BRCC3: variants seen among roughly 807,000 people sequenced by gnomAD.
BRCC3 encodes BRCA1/BRCA2-containing complex subunit 3, also known as lys-63-specific deubiquitinase BRCC36.
Under a neutral mutation model 28.0 loss-of-function variants are expected in BRCC3, and 15 were observed. That is an observed-to-expected ratio of 0.54 (90% CI 0.36 to 0.82). The LOEUF (loss-of-function observed/expected upper bound fraction) is 0.82. BRCC3 is among the 40% of genes least tolerant of loss of function. The pLI is 0.01. For missense variants in BRCC3, 109 were observed against 225.9 expected (o/e 0.48, Z 3.32); for synonymous variants, 66 against 80.3 (o/e 0.82, Z 0.95).
rs1333552520 is a variant in BRCC3, at chrX:155,121,373, G to A, written c.*169G>A. On this transcript the variant is annotated 3_prime_UTR_variant, in exon 11 of 11. Coordinates refer to ENST00000330045, the MANE Select transcript of BRCC3 (RefSeq NM_001018055.3). ...TATTGGCAGAGGAACAGACACATAC[G>A]TCAATGGAACAGATGAGAGAACCCA... 1.8e-5 allele frequency: 2 copies of A among 111,901 alleles called. No individual in the cohort carries two copies. Among genetic ancestry groups the A allele is most frequent in the Admixed American group, 9.5e-5 (1 of 10,545 alleles). 9.2% of individuals were successfully genotyped at this position (111,901 alleles called of 1,213,427 possible).
At chrX:155,087,224 A>C (rs2124263081) in intron 5 of BRCC3, among the ~76,000 whole-genome samples, 1 of 111,975 alleles carries the variant, frequency 8.9e-6, no homozygotes, top group South Asian at 3.7e-4. Flanking sequence ...ACGGGATGCC[A>C]GAACGATCCC....
chrX:155,109,441 A>T (rs1226208320), intron 7 of BRCC3, among the ~76,000 whole-genome samples: 1 of 111,923 alleles, frequency 8.9e-6, no homozygotes, highest in Non-Finnish European at 1.9e-5. Context: ...TTAGATTTTA[A>T]TTTCTCTATC....
rs1335847316 is a variant in BRCC3 at position 155,086,560 on chromosome X, CAT to C, written c.404-2702_404-2701del. Reference sequence around the variant, plus strand: ...TTTGAGTAGAGAGGGAGTTTCACCACATTGGCCAGGCTGGTCTCAAACTCATG... The same window carrying C: ...TTTGAGTAGAGAGGGAGTTTCACCACTGGCCAGGCTGGTCTCAAACTCATG... On this transcript the variant is annotated intron_variant, in intron 5 of 10. Transcript: ENST00000330045. 2.2e-4 allele frequency among the ~76,000 whole-genome samples: 24 copies of C among 110,028 alleles called. 1 individual carries two copies. Among genetic ancestry groups the C allele is most frequent in the Non-Finnish European group, 5.7e-5 (3 of 52,671 alleles).
intron 5 of BRCC3, among the ~76,000 whole-genome samples, chrX:155,087,158 C>T (rs1446694608): frequency 2.7e-5 from 3 of 111,755 alleles, no homozygotes; most frequent in Non-Finnish European, 5.7e-5. Flanking sequence ...GGTCCCTCAG[C>T]GCTCAGGTGG....
intron 7 of BRCC3, among the ~76,000 whole-genome samples, chrX:155,114,000 G>A (rs1557298422): frequency 9.0e-6 from 1 of 111,396 alleles, no homozygotes. Flanking sequence ...GGAGGAGTTG[G>A]AGCCCTTGTA....
At chrX:155,100,126 T>C (rs782550341) in intron 7 of BRCC3, among the ~76,000 whole-genome samples, 1 of 111,591 alleles carries the variant, frequency 9.0e-6, no homozygotes, top group Non-Finnish European at 1.9e-5. Flanking sequence ...TGTTGGTATT[T>C]TGTCACATTT....
chrX:155,102,563 CT>C (rs1178410796), intron 7 of BRCC3, among the ~76,000 whole-genome samples: 1 of 111,685 alleles, frequency 9.0e-6, no homozygotes, highest in Non-Finnish European at 1.9e-5. Flanking sequence ...TGGATGCCTT[CT>C]GTTTATTTAT....
chrX:155,085,201 C>T (rs2074114146), intron 5 of BRCC3, among the ~76,000 whole-genome samples: 1 of 111,990 alleles, frequency 8.9e-6, no homozygotes, highest in Admixed American at 9.4e-5. Flanking sequence ...CAGTTCATTC[C>T]TCCACTGACA....
chrX:155,090,837 A>G lies in BRCC3; in HGVS notation c.546A>G (p.Ser182=). The change falls in exon 7 of 11, where the codon TCA becomes TCG. Residue 182 remains serine, a splice_region_variant and synonymous_variant. Coordinates refer to ENST00000330045, the MANE Select transcript of BRCC3 (RefSeq NM_001018055.3). The stretch of plus-strand genomic sequence containing the variant: ...AATCCATACAGGCCCAAAAGAGTTC[A>G]GAGTAAGTATGAGAGAGACTTATGT... ...CFQSIQAQKS[S]EYERIEIPIH... is the part of the protein sequence containing the mutation. 1 of 1,177,804 alleles carries G rather than the reference A, an allele frequency of 8.5e-7. No homozygotes were observed.
At chrX:155,113,449 T>G (rs1374225109) in intron 7 of BRCC3, among the ~76,000 whole-genome samples, 10 of 110,775 alleles carry the variant, frequency 9.0e-5, no homozygotes, top group African/African-American at 3.3e-4. Context: ...AATATTCACA[T>G]GCAAAAGAAA....
At chrX:155,073,476 A>G in intron 3 of BRCC3, 45 bp downstream of exon 3, 1 of 1,152,153 alleles carries the variant, frequency 8.7e-7, no homozygotes, top group South Asian at 1.9e-5. Flanking sequence ...GCAGTTGGGG[A>G]AAGATTTCTG....
At chrX:155,114,643 C>T (rs182377648) in intron 7 of BRCC3, among the ~76,000 whole-genome samples, 104 of 106,676 alleles carry the variant, frequency 9.7e-4, no homozygotes, top group Non-Finnish European at 1.6e-3. Flanking sequence ...ATTAAGAAAT[C>T]ACCAGAGGGA....
At chrX:155,077,084 T>C (rs1308323622) in intron 3 of BRCC3, 86 bp from the exon 4 acceptor site, 3 of 824,331 alleles carry the variant, frequency 3.6e-6, no homozygotes, top group African/African-American at 2.1e-5. Context: ...TTATCTGATA[T>C]TATAATAAAA....
At chrX:155,109,266 T>C (rs2074305210) in intron 7 of BRCC3, among the ~76,000 whole-genome samples, 1 of 111,843 alleles carries the variant, frequency 8.9e-6, no homozygotes, top group Non-Finnish European at 1.9e-5. Context: ...CCTTTGTTGT[T>C]ATTCTTCAAG....
chrX:155,087,391 C>T (rs1432226055), intron 5 of BRCC3, among the ~76,000 whole-genome samples: 2 of 112,002 alleles, frequency 1.8e-5, no homozygotes, highest in Non-Finnish European at 3.8e-5. Flanking sequence ...AGGGTCGGCT[C>T]GCTTTGGCAG....
At chrX:155,076,318 G>C (rs1252489433) in intron 3 of BRCC3, among the ~76,000 whole-genome samples, 2 of 111,181 alleles carry the variant, frequency 1.8e-5, no homozygotes, top group African/African-American at 6.6e-5. Flanking sequence ...GAACCCAGGA[G>C]GTAGACGTTG....
chrX:155,075,382 T>C (rs1166126929), intron 3 of BRCC3, among the ~76,000 whole-genome samples: 4 of 68,406 alleles, frequency 5.8e-5, no homozygotes, highest in African/African-American at 4.2e-4. Context: ...ACACCTTTTT[T>C]GTCCACTCAT....
At chrX:155,118,572 CA>C (rs2074371502) in intron 9 of BRCC3, among the ~76,000 whole-genome samples, 1 of 112,594 alleles carries the variant, frequency 8.9e-6, no homozygotes, top group Non-Finnish European at 1.9e-5. Flanking sequence ...CTTGGCTTTA[CA>C]GTTTTGCAGA....
intron 3 of BRCC3, among the ~76,000 whole-genome samples, chrX:155,076,224 C>T (rs1326570738): frequency 9.1e-6 from 1 of 110,097 alleles, no homozygotes; most frequent in Non-Finnish European, 1.9e-5. Context: ...GCCAATATGG[C>T]TACCAAAAAA....
Sources: gnomAD v4.1 joint callset for allele counts (sites outside exome capture counted in the v4.1 genomes callset) on GRCh38, gnomAD v4.1.1 for gene constraint, MANE v1.5 for transcripts, NCBI Gene and HGNC (gene_info 2026-07-23, HGNC 2026-07-21) for gene names.